DPP10: variants seen among roughly 807,000 people sequenced by gnomAD.
DPP10 encodes the protein inactive dipeptidyl peptidase 10.
DPP10 carries 33 observed loss-of-function variants against 120.9 expected under a neutral mutation model. That is an observed-to-expected ratio of 0.27 (90% CI 0.21 to 0.37). The LOEUF (loss-of-function observed/expected upper bound fraction) is 0.37, where lower values mean the gene tolerates loss of function less well. DPP10 is among the 10% of genes least tolerant of loss of function. The pLI is 1.00. For missense variants in DPP10, 816 were observed against 942.8 expected (o/e 0.87, Z 1.76); for synonymous variants, 337 against 326.1 (o/e 1.03, Z -0.36).
At chr2:115,169,489 G>A (rs920101446) in intron 1 of DPP10, among the ~76,000 whole-genome samples, 3 of 152,004 alleles carry the variant, frequency 2.0e-5, no homozygotes, top group Admixed American at 1.3e-4. Context: ...ATCTTTTATA[G>A]GTAGATTATT....
chr2:115,453,785 A>T (rs971038115), intron 3 of DPP10, among the ~76,000 whole-genome samples: 1 of 151,570 alleles, frequency 6.6e-6, no homozygotes, highest in Admixed American at 6.6e-5. Context: ...AATAATAAAG[A>T]TTAAGATGGA....
chr2:114,960,684 A>G (rs1368928279), intron 1 of DPP10, among the ~76,000 whole-genome samples: 3 of 152,194 alleles, frequency 2.0e-5, no homozygotes, highest in East Asian at 3.9e-4. Flanking sequence ...GGTTATATCC[A>G]TACAGTTTCT....
At chr2:115,829,365 A>C (rs549073473) in intron 21 of DPP10, among the ~76,000 whole-genome samples, 1 of 152,142 alleles carries the variant, frequency 6.6e-6, no homozygotes, top group African/African-American at 2.4e-5. Flanking sequence ...TTTCTGTTGA[A>C]TTCTGTCTTT....
intron 1 of DPP10, among the ~76,000 whole-genome samples, chr2:114,923,859 T>C: frequency 6.6e-6 from 1 of 152,080 alleles, no homozygotes; most frequent in East Asian, 1.9e-4. Context: ...CCCTCATGTT[T>C]TTGGTGTCAT....
At chr2:115,583,262 T>G (rs962179816) in intron 5 of DPP10, among the ~76,000 whole-genome samples, 5 of 152,218 alleles carry the variant, frequency 3.3e-5, no homozygotes, top group African/African-American at 1.2e-4. Context: ...TATTTACTGT[T>G]GCACAACAAA....
chr2:115,777,443 C>T, intron 14 of DPP10, 144 bp downstream of exon 14: 1 of 694,628 alleles, frequency 1.4e-6, no homozygotes, highest in Non-Finnish European at 2.4e-6. Context: ...AAGACCTCTT[C>T]CACACTTCAC....
intron 2 of DPP10, among the ~76,000 whole-genome samples, chr2:115,312,766 T>C (rs1013264981): frequency 2.6e-5 from 4 of 152,142 alleles, no homozygotes; most frequent in Non-Finnish European, 4.4e-5. Flanking sequence ...TCCACCAATA[T>C]GTTCTCAAGG....
At chr2:114,881,558 TA>T (rs1395916217) in intron 1 of DPP10, among the ~76,000 whole-genome samples, 1 of 150,520 alleles carries the variant, frequency 6.6e-6, no homozygotes. Context: ...AGTATCTATC[TA>T]TGTATCATCT....
At chr2:115,545,611 G>C (rs2079453950) in intron 5 of DPP10, among the ~76,000 whole-genome samples, 1 of 152,108 alleles carries the variant, frequency 6.6e-6, no homozygotes, top group Non-Finnish European at 1.5e-5. Context: ...GGAGAGTTGG[G>C]AAATAAAGTC....
At chr2:115,374,785 A>T (rs1559501421) in intron 3 of DPP10, among the ~76,000 whole-genome samples, 1 of 152,064 alleles carries the variant, frequency 6.6e-6, no homozygotes, top group Non-Finnish European at 1.5e-5. Context: ...TGAACCAATG[A>T]TCTGAGCTGT....
chr2:115,739,659 G>T (rs1677008683), intron 8 of DPP10, 80 bp from the exon 9 acceptor site: 1 of 1,431,388 alleles, frequency 7.0e-7, no homozygotes, highest in South Asian at 1.2e-5. Flanking sequence ...GTGTACAATG[G>T]AGATTTCAAG....
chr2:115,004,777 A>G (rs956954687), intron 1 of DPP10, among the ~76,000 whole-genome samples: 7 of 152,076 alleles, frequency 4.6e-5, no homozygotes, highest in African/African-American at 1.7e-4. Flanking sequence ...GCAAGGCGGC[A>G]GCGAGGCTGG....
intron 1 of DPP10, among the ~76,000 whole-genome samples, chr2:115,151,733 T>TA (rs2051573959): frequency 1.3e-5 from 2 of 151,156 alleles, no homozygotes; most frequent in South Asian, 2.1e-4. Context: ...TTTTTTTTTT[T>TA]AAATCCTTGC....
At chr2:114,533,766 T>G (rs1686251895) in intron 1 of DPP10, among the ~76,000 whole-genome samples, 2 of 152,218 alleles carry the variant, frequency 1.3e-5, no homozygotes, top group East Asian at 3.9e-4. Context: ...CCTTCAAAAT[T>G]TCAAAGGCAT....
intron 1 of DPP10, among the ~76,000 whole-genome samples, chr2:114,447,395 G>A (rs535990715): frequency 1.2e-4 from 18 of 152,040 alleles, no homozygotes; most frequent in African/African-American, 4.1e-4. Flanking sequence ...TTCTTAAAGG[G>A]TATTTCATAA....
intron 5 of DPP10, among the ~76,000 whole-genome samples, chr2:115,542,192 T>C (rs1243547422): frequency 6.6e-6 from 1 of 151,934 alleles, no homozygotes; most frequent in African/African-American, 2.4e-5. Context: ...ACAGAACTGC[T>C]CTGTCACCAC....
intron 5 of DPP10, among the ~76,000 whole-genome samples, chr2:115,593,131 G>T (rs1398128852): frequency 6.6e-6 from 1 of 152,136 alleles, no homozygotes; most frequent in Non-Finnish European, 1.5e-5. Flanking sequence ...ATCTTCTTTA[G>T]TCTGTTAGTC....
intron 1 of DPP10, among the ~76,000 whole-genome samples, chr2:115,170,517 T>A (rs2053237916): frequency 1.3e-5 from 2 of 152,204 alleles, no homozygotes; most frequent in South Asian, 4.1e-4. Flanking sequence ...TTTCCTAGGA[T>A]CTATGAAATT....
chr2:115,484,795 G>A (rs2075666000), intron 3 of DPP10, among the ~76,000 whole-genome samples: 1 of 152,122 alleles, frequency 6.6e-6, no homozygotes, highest in South Asian at 2.1e-4. Flanking sequence ...ATTCAGGCAG[G>A]AGTTTCTGAT....
Sources: gnomAD v4.1 joint callset for allele counts (sites outside exome capture counted in the v4.1 genomes callset) on GRCh38, gnomAD v4.1.1 for gene constraint, MANE v1.5 for transcripts, NCBI Gene and HGNC (gene_info 2026-07-23, HGNC 2026-07-21) for gene names.